The following SATB2 variants were observed in gnomAD, a reference collection of about 807,000 sequenced individuals.
SATB2 encodes the protein DNA-binding protein SATB2.
Under a neutral mutation model 73.4 loss-of-function variants are expected in SATB2, and 1 was observed. That is an observed-to-expected ratio of 0.01 (90% CI 0.00 to 0.06). The LOEUF is 0.06. Ranked by LOEUF, SATB2 falls within the 10% of genes least tolerant of loss-of-function variation. SATB2 has a pLI of 1.00. For synonymous variants in SATB2, 397 were observed against 367.0 expected (o/e 1.08, Z -0.93); for missense variants, 459 against 945.8 (o/e 0.49, Z 6.75).
At chr2:199,386,710 GCGCGCGCA>G (rs1689962033) in intron 3 of SATB2, among the ~76,000 whole-genome samples, 924 of 90,488 alleles carry the variant, frequency 0.01, 7 homozygotes, top group African/African-American at 0.03. Flanking sequence ...GCGCGCGCGC[GCGCGCGCA>G]CACACACACA....
intron 3 of SATB2, among the ~76,000 whole-genome samples, chr2:199,410,102 T>C (rs905954362): frequency 6.6e-6 from 1 of 152,182 alleles, no homozygotes; most frequent in Non-Finnish European, 1.5e-5. Flanking sequence ...TGTGTGTTAG[T>C]TTAGTAGTTG....
chr2:199,448,032 C>T (rs1454600409), intron 2 of SATB2, among the ~76,000 whole-genome samples: 1 of 152,148 alleles, frequency 6.6e-6, no homozygotes, highest in African/African-American at 2.4e-5. Flanking sequence ...AAGTCATTTT[C>T]TTTTACTACG....
rs535561643 is a variant in SATB2, at chr2:199,464,900, G to T, written c.-205C>A. ...ACGGAGCGAGGGGCTGTGGGTCGGCGCAGGGACGCTGGCTGCTCACCTCCA... is the reference window on the plus strand; with the variant it reads ...ACGGAGCGAGGGGCTGTGGGTCGGCTCAGGGACGCTGGCTGCTCACCTCCA... On this transcript the variant is annotated 5_prime_UTR_variant, in exon 1 of 12. Transcript: ENST00000260926. The surrounding 1 kb of genome is among the most constrained non-coding windows in gnomAD (Gnocchi z 6.6). The T allele has an allele frequency of 1.3e-5, 2 of 152,416 alleles. No homozygotes were observed. Among genetic ancestry groups the T allele is most frequent in the South Asian group, 4.1e-4 (2 of 4,830 alleles). The allele number at this position is 152,416 out of a possible 1,614,324, so 9.4% of individuals were successfully genotyped here.
chr2:199,383,906 C>T (rs1337337251), intron 3 of SATB2, among the ~76,000 whole-genome samples: 2 of 152,138 alleles, frequency 1.3e-5, no homozygotes, highest in Non-Finnish European at 2.9e-5. Flanking sequence ...GTCAGAGGGA[C>T]AGAAAGGGGC....
At chr2:199,321,842 C>T (rs957164408) in intron 9 of SATB2, among the ~76,000 whole-genome samples, 5 of 151,932 alleles carry the variant, frequency 3.3e-5, no homozygotes, top group African/African-American at 1.2e-4. Context: ...TAAGGTTCCC[C>T]ACTCATAGAT....
At position 199,386,714 on chromosome 2, in the gene SATB2, GCGCACACACACACACACACA is replaced by G. The variant is rs1413670264; in HGVS notation, c.347-4914_347-4895del. Among the ~76,000 whole-genome samples, 191 of 22,564 alleles carry G rather than the reference GCGCACACACACACACACACA, an allele frequency of 8.5e-3. 3 individuals carry two copies. In the East Asian group the frequency reaches 0.12, roughly 14 times the overall value. 14.8% of individuals were successfully genotyped at this position (22,564 alleles called of 152,430 possible). A position where few individuals can be genotyped will look rare whatever the true frequency, so the allele number is the denominator to read the frequency against. On this transcript the variant is annotated intron_variant, in intron 3 of 10. Transcript: ENST00000417098. ...TGCGCAAGCGCGCGCGCGCGCGCGC[GCGCACACACACACACACACA>G]CACACACACACACACACACACACAC... is the stretch of plus-strand genomic sequence containing the variant.
At chr2:199,401,161 G>A (rs1298880979) in intron 3 of SATB2, among the ~76,000 whole-genome samples, 3 of 152,144 alleles carry the variant, frequency 2.0e-5, no homozygotes, top group South Asian at 2.1e-4. Context: ...GAACAAGATC[G>A]ACATGGTAAC....
At chr2:199,358,632 C>T (rs1403693024) in intron 6 of SATB2, among the ~76,000 whole-genome samples, 1 of 152,126 alleles carries the variant, frequency 6.6e-6, no homozygotes, top group Non-Finnish European at 1.5e-5. Context: ...ATAAAACAGC[C>T]CATAAGCAAA....
At chr2:199,436,843 A>AAGAGAG (rs36011191) in intron 2 of SATB2, among the ~76,000 whole-genome samples, 17 of 148,814 alleles carry the variant, frequency 1.1e-4, no homozygotes, top group African/African-American at 3.7e-4. Flanking sequence ...TATGCCAAGA[A>AAGAGAG]AGAGAGAGAG....
At chr2:199,331,991 T>C (rs1688203581) in intron 7 of SATB2, among the ~76,000 whole-genome samples, 1 of 152,160 alleles carries the variant, frequency 6.6e-6, no homozygotes, top group Admixed American at 6.6e-5. Context: ...ATTCCCATTA[T>C]GCAGCCTGGG....
Position 199,464,433 on chromosome 2 carries a change from G to GCACACA in SATB2, c.-141+397_-141+402dup, listed in dbSNP as rs148806110. Among the ~76,000 whole-genome samples the GCACACA allele has an allele frequency of 0.014, 2,101 of 149,456 alleles. 60 individuals carry two copies. Among genetic ancestry groups the GCACACA allele is most frequent in the African/African-American group, 0.049 (2,024 of 41,070 alleles). ...CACCACCATTTCCACGCGCGCGCGCGCACACACACACACACACACACAGAG... is the reference window on the plus strand; with the variant it reads ...CACCACCATTTCCACGCGCGCGCGCGCACACACACACACACACACACACACACAGAG... On this transcript the variant is annotated intron_variant, in intron 1 of 11. Transcript: ENST00000260926. This position sits in a 1 kb window ranked among gnomAD's most constrained non-coding sequence, Gnocchi z 6.6.
chr2:199,354,328 C>T (rs1455725045), intron 6 of SATB2, among the ~76,000 whole-genome samples: 1 of 152,126 alleles, frequency 6.6e-6, no homozygotes, highest in East Asian at 1.9e-4. Context: ...TGCACTCCAG[C>T]CTGGGTGACA....
intron 7 of SATB2, among the ~76,000 whole-genome samples, chr2:199,332,271 T>C (rs1348685567): frequency 6.6e-6 from 1 of 152,146 alleles, no homozygotes; most frequent in Non-Finnish European, 1.5e-5. Context: ...GCCGAGATTA[T>C]GTAAGACCAG....
chr2:199,355,215 A>G (rs1688935077), intron 6 of SATB2, among the ~76,000 whole-genome samples: 1 of 150,060 alleles, frequency 6.7e-6, no homozygotes, highest in South Asian at 2.1e-4. Context: ...ATATATATAT[A>G]GTGTGTATAT....
intron 5 of SATB2, among the ~76,000 whole-genome samples, chr2:199,379,686 T>C (rs1009432564): frequency 2.7e-4 from 39 of 142,274 alleles, no homozygotes; most frequent in African/African-American, 9.2e-4. Context: ...TCTTTTCTTT[T>C]TTTTTTTTTT....
chr2:199,350,689 T>G (rs993354416), intron 6 of SATB2, among the ~76,000 whole-genome samples: 1 of 152,158 alleles, frequency 6.6e-6, no homozygotes, highest in African/African-American at 2.4e-5. Context: ...GGTATCACCT[T>G]ATATTTAGAC....
At chr2:199,445,733 A>C (rs1313052963) in intron 2 of SATB2, among the ~76,000 whole-genome samples, 1 of 152,134 alleles carries the variant, frequency 6.6e-6, no homozygotes, top group Non-Finnish European at 1.5e-5. Flanking sequence ...TCAGGGAACA[A>C]TTTGCTCTTC....
chr2:199,335,468 T>C (rs1688311240), intron 7 of SATB2, among the ~76,000 whole-genome samples: 1 of 152,162 alleles, frequency 6.6e-6, no homozygotes, highest in South Asian at 2.1e-4. Context: ...AAAACAGCAA[T>C]AGTTCTACCT....
At chr2:199,345,712 C>CCT (rs1260098988) in intron 7 of SATB2, among the ~76,000 whole-genome samples, 3 of 152,232 alleles carry the variant, frequency 2.0e-5, no homozygotes, top group Admixed American at 2.0e-4. Flanking sequence ...TAGTTCAAAA[C>CCT]CTCTGTACAT....
Sources: gnomAD v4.1 joint callset for allele counts (sites outside exome capture counted in the v4.1 genomes callset) on GRCh38, gnomAD v4.1.1 for gene constraint, Gnocchi (gnomAD v3.1) non-coding constraint, MANE v1.5 for transcripts, NCBI Gene and HGNC (gene_info 2026-07-23, HGNC 2026-07-21) for gene names.